Variants in HTATIP2 observed in about 807,000 individuals in gnomAD.
HTATIP2 encodes protein HTATIP2.
In HTATIP2, 26 loss-of-function variants were observed where a neutral mutation model predicts 24.7. The observed-to-expected ratio is 1.05, with a 90% confidence interval of 0.77 to 1.46. The LOEUF is 1.46. HTATIP2 is among the 40% of genes most tolerant of loss of function. The pLI is 0.00. For missense variants in HTATIP2, 284 were observed against 289.6 expected, an observed-to-expected ratio of 0.98 and a Z score of 0.14; for synonymous variants, 99 against 113.2, an observed-to-expected ratio of 0.87 and a Z score of 0.79.
At chr11:20,378,226 C>T (rs1848471946) in intron 3 of HTATIP2, among the ~76,000 whole-genome samples, 1 of 151,966 alleles carries the variant, frequency 6.6e-6, no homozygotes, top group African/African-American at 2.4e-5. Context: ...CAGTGAGCCA[C>T]CAATGAAATT....
intron 2 of HTATIP2, chr11:20,367,547 T>C: frequency 7.0e-7 from 1 of 1,426,438 alleles, no homozygotes; most frequent in African/African-American, 1.4e-5. Context: ...ATTATCGCTA[T>C]CACTACATCC....
In HTATIP2 at chr11:20,383,353, C is replaced by A; in HGVS notation, c.*148C>A. On this transcript the variant is annotated 3_prime_UTR_variant, in exon 5 of 5. Coordinates refer to ENST00000451739, the MANE Select transcript of HTATIP2 (RefSeq NM_001098522.2). ...CCAATCAAGAAATGATGGTGCTCTG[C>A]ATCAGTGGTTCAGAGCCTGGTTATA... The A allele has an allele frequency of 1.6e-6, 1 of 634,886 alleles. No homozygotes were observed. The highest frequency in any genetic ancestry group is 2.7e-6 in the Non-Finnish European group (1 of 363,916). 39.3% of individuals were successfully genotyped at this position (634,886 alleles called of 1,614,324 possible). A position where few individuals can be genotyped will look rare whatever the true frequency, so the allele number is the denominator to read the frequency against.
At chr11:20,369,307 A>G (rs919725821) in intron 2 of HTATIP2, among the ~76,000 whole-genome samples, 5 of 152,220 alleles carry the variant, frequency 3.3e-5, no homozygotes, top group African/African-American at 1.2e-4. Context: ...CAAAACTAGT[A>G]CGCTTCACTA....
chr11:20,363,862 C>G lies in HTATIP2; in HGVS notation c.-376C>G. On this transcript the variant is annotated 5_prime_UTR_variant, in exon 1 of 5. Coordinates refer to ENST00000451739, the MANE Select transcript of HTATIP2 (RefSeq NM_001098522.2). ...CGGCGGCGGCGGCTGCTCTGGCGGC[C>G]GCCCTGCTCCTGCTGCGTCGTGAGG... The G allele has an allele frequency of 8.0e-7, 1 of 1,244,018 alleles. No homozygotes were observed. Among genetic ancestry groups the G allele is most frequent in the South Asian group, 4.0e-5 (1 of 25,008 alleles). The allele number at this position is 1,244,018 out of a possible 1,614,324, so 77.1% of individuals were successfully genotyped here. A position where few individuals can be genotyped will look rare whatever the true frequency, so the allele number is the denominator to read the frequency against.
Position 20,383,355 on chromosome 11 carries a change from T to C in HTATIP2, c.*150T>C. 1.6e-6 allele frequency: 1 copy of C among 629,638 alleles called. No homozygotes were observed. The highest frequency in any genetic ancestry group is 2.8e-6 in the Non-Finnish European group (1 of 359,552). 39.0% of individuals were successfully genotyped at this position (629,638 alleles called of 1,614,324 possible). A position where few individuals can be genotyped will look rare whatever the true frequency, so the allele number is the denominator to read the frequency against. ...AATCAAGAAATGATGGTGCTCTGCA[T>C]CAGTGGTTCAGAGCCTGGTTATACA... On this transcript the variant is annotated 3_prime_UTR_variant, in exon 5 of 5. Coordinates refer to ENST00000451739, the MANE Select transcript of HTATIP2 (RefSeq NM_001098522.2).
chr11:20,378,545 A>G (rs979995788), intron 3 of HTATIP2, among the ~76,000 whole-genome samples: 1 of 152,236 alleles, frequency 6.6e-6, no homozygotes, highest in Non-Finnish European at 1.5e-5. Flanking sequence ...AGCAAGATCA[A>G]CATTTATACC....
chr11:20,382,358 G>C (rs10766664), intron 4 of HTATIP2, 119 bp downstream of exon 4: 516,625 of 630,148 alleles, frequency 0.82, 217,683 homozygotes, highest in Non-Finnish European at 0.88. Flanking sequence ...ACATTGGCTA[G>C]AGGTAGATTG....
At position 20,364,248 on chromosome 11, in the gene HTATIP2, C is replaced by T. The variant is rs780793051; in HGVS notation, c.11C>T (p.Thr4Ile). The T allele has an allele frequency of 1.9e-6, 3 of 1,604,308 alleles. No homozygotes were observed. Among genetic ancestry groups the T allele is most frequent in the East Asian group, 2.2e-5 (1 of 44,648 alleles). The change falls in exon 1 of 5, where the codon ACA becomes ATA. Residue 4 changes from threonine (T) to isoleucine (I), a missense_variant. Transcript: ENST00000451739. Reference sequence around the variant, plus strand: ...TGTTATTTCCCCAGCATGGCCGAAACAGAAGCCCTGTCGAAGCTTCGGGAA... The same window carrying T: ...TGTTATTTCCCCAGCATGGCCGAAATAGAAGCCCTGTCGAAGCTTCGGGAA... MAE[T>I]EALSKLREDF...
intron 2 of HTATIP2, among the ~76,000 whole-genome samples, chr11:20,373,150 T>C (rs1373028251): frequency 6.6e-6 from 1 of 152,188 alleles, no homozygotes; most frequent in African/African-American, 2.4e-5. Context: ...ATGGGCACCT[T>C]GTCAACAGGC....
At chr11:20,373,685 A>T (rs766396855) in intron 2 of HTATIP2, among the ~76,000 whole-genome samples, 1 of 152,264 alleles carries the variant, frequency 6.6e-6, no homozygotes, top group Non-Finnish European at 1.5e-5. Context: ...TGTCATTAAA[A>T]TCAGAGTTCT....
At chr11:20,367,695 C>T in intron 2 of HTATIP2, 1 of 1,108,002 alleles carries the variant, frequency 9.0e-7, no homozygotes, top group Non-Finnish European at 1.1e-6. Context: ...AACTTATTTT[C>T]ATGTCAAGCT....
intron 1 of HTATIP2, among the ~76,000 whole-genome samples, chr11:20,365,235 C>T (rs1206322910): frequency 3.3e-5 from 5 of 152,138 alleles, no homozygotes; most frequent in Non-Finnish European, 7.4e-5. Context: ...ATGATGCTCC[C>T]GCTTCAGCCT....
intron 2 of HTATIP2, among the ~76,000 whole-genome samples, chr11:20,368,540 C>A (rs1245614290): frequency 6.6e-6 from 1 of 152,190 alleles, no homozygotes; most frequent in African/African-American, 2.4e-5. Flanking sequence ...CATGTTCCTG[C>A]TTAACAGTGG....
intron 2 of HTATIP2, among the ~76,000 whole-genome samples, chr11:20,371,875 T>C (rs1404834030): frequency 1.3e-5 from 2 of 152,188 alleles, no homozygotes; most frequent in Non-Finnish European, 2.9e-5. Context: ...CTAACCAAGA[T>C]CTTTCCCCTA....
rs750483497 is a variant in HTATIP2, at chr11:20,376,734, G to A, written c.441+17G>A. On this transcript the variant is annotated intron_variant, in intron 3 of 4. Coordinates refer to ENST00000451739, the MANE Select transcript of HTATIP2 (RefSeq NM_001098522.2). ...CAAGTTAAGGTTTGTGCAAGTTTCT[G>A]TTTTTCATACACTTTGGAGAACCCT... 2 of 1,592,852 alleles carry A rather than the reference G, an allele frequency of 1.3e-6. No homozygotes were observed. The highest frequency in any genetic ancestry group is 8.5e-7 in the Non-Finnish European group (1 of 1,171,934).
intron 2 of HTATIP2, chr11:20,376,016 T>A (rs1022597872): frequency 6.6e-6 from 1 of 152,544 alleles, no homozygotes; most frequent in African/African-American, 2.4e-5. Flanking sequence ...CTGGACTGAA[T>A]CTAGATTGGG....
rs1287569012 is a variant in HTATIP2, at chr11:20,363,826, G to C, written c.-412G>C. On this transcript the variant is annotated 5_prime_UTR_variant, in exon 1 of 5. Transcript: ENST00000451739. The stretch of plus-strand genomic sequence containing the variant: ...GGGATGCTCTGATGGCCGGGCCTGC[G>C]GCGCTGAGCGCGGCGGCGGCGGCTG... 29 of 1,245,734 alleles carry C rather than the reference G, an allele frequency of 2.3e-5. No homozygotes were observed. In the South Asian group the frequency reaches 3.6e-4, roughly 15 times the overall value. 77.2% of individuals were successfully genotyped at this position (1,245,734 alleles called of 1,614,324 possible).
intron 1 of HTATIP2, among the ~76,000 whole-genome samples, chr11:20,364,886 G>A (rs2133261041): frequency 6.6e-6 from 1 of 152,304 alleles, no homozygotes; most frequent in South Asian, 2.1e-4. Context: ...GTCTATGGCA[G>A]TGAAAGGTGG....
At chr11:20,380,691 A>G (rs1002377830) in intron 3 of HTATIP2, among the ~76,000 whole-genome samples, 3 of 148,044 alleles carry the variant, frequency 2.0e-5, no homozygotes, top group Non-Finnish European at 3.0e-5. Context: ...AAAAAAAAAA[A>G]GCTAAGAAAT....
Sources: gnomAD v4.1 joint callset for allele counts (sites outside exome capture counted in the v4.1 genomes callset) on GRCh38, gnomAD v4.1.1 for gene constraint, MANE v1.5 for transcripts, NCBI Gene and HGNC (gene_info 2026-07-23, HGNC 2026-07-21) for gene names.